Variants in LRCH3 observed in about 807,000 individuals in gnomAD.
LRCH3 encodes DISP complex protein LRCH3.
LRCH3 carries 68 observed loss-of-function variants against 104.5 expected under a neutral mutation model. The ratio of observed to expected loss-of-function variants is 0.65; its 90% CI spans 0.54 to 0.80. The LOEUF is 0.80. LRCH3 is among the 30% of genes least tolerant of loss of function. The pLI is 0.00. For synonymous variants in LRCH3, 344 were observed against 361.3 expected (o/e 0.95, Z 0.54); for missense variants, 951 against 953.9 (o/e 1.00, Z 0.04).
chr3:197,873,569 C>A (rs1248056419), intron 19 of LRCH3, among the ~76,000 whole-genome samples: 1 of 152,098 alleles, frequency 6.6e-6, no homozygotes, highest in African/African-American at 2.4e-5. Flanking sequence ...ATAGTGAGAT[C>A]CCATCTCTAC....
chr3:197,850,582 T>C (rs1739452337), intron 12 of LRCH3: 2 of 1,586,000 alleles, frequency 1.3e-6, no homozygotes, highest in Non-Finnish European at 1.7e-6. Context: ...CGGCGGCACA[T>C]CTCAGGTGCT....
chr3:197,872,370 A>G (rs1366042623), intron 19 of LRCH3, among the ~76,000 whole-genome samples: 1 of 151,662 alleles, frequency 6.6e-6, no homozygotes, highest in Non-Finnish European at 1.5e-5. Flanking sequence ...GAAAAAAAAA[A>G]AAAAAAAAAA....
In LRCH3 at chr3:197,869,844, A is replaced by G. The variant is rs182444754; in HGVS notation, c.1874-316A>G. On this transcript the variant is annotated intron_variant, in intron 17 of 20. Transcript: ENST00000425562. ...GCGATGCACTGTACCTGCAGGAGGTAGAAAGCGATACACTGTACCTGCAGG... is the reference window on the plus strand; with the variant it reads ...GCGATGCACTGTACCTGCAGGAGGTGGAAAGCGATACACTGTACCTGCAGG... 3.4e-5 allele frequency among the ~76,000 whole-genome samples: 5 copies of G among 147,224 alleles called. No homozygotes were observed. The East Asian group carries it at 6.0e-4, about 18-fold the overall frequency.
chr3:197,858,561 A>G (rs983308969), intron 14 of LRCH3, among the ~76,000 whole-genome samples: 2 of 152,132 alleles, frequency 1.3e-5, no homozygotes, highest in African/African-American at 4.8e-5. Flanking sequence ...TTATTTCTGC[A>G]TAAAATCATT....
At chr3:197,873,216 G>A (rs934734805) in intron 19 of LRCH3, among the ~76,000 whole-genome samples, 3 of 152,056 alleles carry the variant, frequency 2.0e-5, no homozygotes, top group Admixed American at 6.5e-5. Flanking sequence ...ATCCTACAAC[G>A]AACACTATTA....
intron 1 of LRCH3, among the ~76,000 whole-genome samples, chr3:197,798,745 C>T (rs1731548052): frequency 6.6e-6 from 1 of 152,068 alleles, no homozygotes; most frequent in Non-Finnish European, 1.5e-5. Flanking sequence ...TTGTTTATGT[C>T]TATTTTGTAA....
chr3:197,879,997 G>GCGGAC (rs1713505793), intron 20 of LRCH3, among the ~76,000 whole-genome samples: 2 of 150,398 alleles, frequency 1.3e-5, no homozygotes, highest in Non-Finnish European at 3.0e-5. Flanking sequence ...CCAGGCTGGA[G>GCGGAC]TGCGGTGGCG....
At chr3:197,855,550 G>A (rs1372462853) in intron 14 of LRCH3, among the ~76,000 whole-genome samples, 1 of 152,134 alleles carries the variant, frequency 6.6e-6, no homozygotes, top group Non-Finnish European at 1.5e-5. Flanking sequence ...TAAGTGCAAG[G>A]CTGGGAATCC....
chr3:197,825,566 G>A lies in LRCH3; in HGVS notation c.641-1312G>A, dbSNP rs1483769274. 9.7e-5 allele frequency among the ~76,000 whole-genome samples: 12 copies of A among 124,096 alleles called. No individual in the cohort carries two copies. In the East Asian group the frequency reaches 2.5e-3, roughly 26 times the overall value. The allele number at this position is 124,096 out of a possible 152,430, so 81.4% of individuals were successfully genotyped here. A position where few individuals can be genotyped will look rare whatever the true frequency, so the allele number is the denominator to read the frequency against. On this transcript the variant is annotated intron_variant, in intron 4 of 20. Coordinates refer to ENST00000425562, the MANE Select transcript of LRCH3 (RefSeq NM_001365715.1). Reference sequence around the variant, plus strand: ...TCAATCTCGGCTCACTGCAAGCTCCGCCTCCCGGGTTCACGCCATTCTCCT... The same window carrying A: ...TCAATCTCGGCTCACTGCAAGCTCCACCTCCCGGGTTCACGCCATTCTCCT...
intron 18 of LRCH3, 139 bp downstream of exon 18, chr3:197,870,417 G>A: frequency 1.3e-6 from 1 of 783,714 alleles, no homozygotes; most frequent in Non-Finnish European, 1.9e-6. Context: ...CCAGGCTGGA[G>A]TTCAGTGGCA....
chr3:197,838,021 C>T (rs995128181), intron 9 of LRCH3, among the ~76,000 whole-genome samples: 10 of 151,800 alleles, frequency 6.6e-5, no homozygotes, highest in African/African-American at 2.4e-4. Flanking sequence ...GATTGTGCTA[C>T]TGCACTCCAG....
chr3:197,800,384 T>C (rs1297095904), intron 1 of LRCH3, among the ~76,000 whole-genome samples: 1 of 152,212 alleles, frequency 6.6e-6, no homozygotes, highest in Non-Finnish European at 1.5e-5. Flanking sequence ...CTTGAACTAG[T>C]ACTTTACTAA....
intron 12 of LRCH3, chr3:197,850,591 C>G: frequency 1.9e-6 from 3 of 1,585,030 alleles, no homozygotes; most frequent in Non-Finnish European, 2.6e-6. Context: ...ATCTCAGGTG[C>G]TTTGTTCACT....
Position 197,847,918 on chromosome 3 carries a change from T to C in LRCH3, c.1427T>C (p.Val476Ala). ...LELHQRREQL[V>A]ERTRREAQLA... is the part of the protein sequence containing the mutation. ...CTTCATCAGAGAAGGGAGCAGTTAG[T>C]AGAGCGCACTCGGAGAGAGGCTCAG... Residue 476 changes from valine (V) to alanine (A), a missense_variant, in exon 12 of 21, where the codon GTA (valine) becomes GCA (alanine). Transcript: ENST00000425562. 1 of 1,614,086 alleles carries C rather than the reference T, an allele frequency of 6.2e-7. No homozygotes were observed. The highest frequency in any genetic ancestry group is 1.1e-5 in the South Asian group (1 of 91,084).
intron 1 of LRCH3, among the ~76,000 whole-genome samples, chr3:197,801,109 G>GAC: frequency 6.8e-6 from 1 of 147,098 alleles, no homozygotes; most frequent in South Asian, 2.1e-4. Flanking sequence ...AAAAAAACAA[G>GAC]AAAATGGATG....
intron 1 of LRCH3, among the ~76,000 whole-genome samples, chr3:197,797,888 A>C (rs1420324819): frequency 7.8e-4 from 115 of 147,218 alleles, no homozygotes; most frequent in African/African-American, 2.9e-3. Flanking sequence ...AAAAACAAAA[A>C]AAAAAACAAA....
chr3:197,831,549 A>T (rs1475974040), intron 7 of LRCH3, among the ~76,000 whole-genome samples: 2 of 152,058 alleles, frequency 1.3e-5, no homozygotes, highest in Non-Finnish European at 2.9e-5. Flanking sequence ...TTGTGTTTGT[A>T]TGTCTTGGTG....
chr3:197,880,814 C>T, intron 20 of LRCH3: 1 of 1,515,518 alleles, frequency 6.6e-7, no homozygotes, highest in Non-Finnish European at 8.8e-7. Flanking sequence ...TTTCTCCCTG[C>T]TGGCCCTCAA....
intron 6 of LRCH3, among the ~76,000 whole-genome samples, chr3:197,830,302 A>C (rs79958174): frequency 0.04 from 6,130 of 152,252 alleles, 150 homozygotes; most frequent in East Asian, 0.064. Flanking sequence ...GCCTGGTCTC[A>C]AACTCCTGAG....
Sources: allele counts gnomAD v4.1 joint callset (sites outside exome capture counted in the v4.1 genomes callset), GRCh38; gene constraint gnomAD v4.1.1; transcripts MANE v1.5; gene names NCBI Gene and HGNC (gene_info 2026-07-23, HGNC 2026-07-21).